The following FAM178B variants were observed in gnomAD, a reference collection of about 807,000 sequenced individuals.
FAM178B encodes the protein protein FAM178B.
FAM178B carries 82 observed loss-of-function variants against 91.7 expected under a neutral mutation model. That is an observed-to-expected ratio of 0.89 (90% CI 0.75 to 1.07). The LOEUF is 1.07. Among genes scored for constraint, FAM178B ranks in the 50% least tolerant of loss-of-function variants. The pLI is 0.00. For missense variants in FAM178B, 769 were observed against 846.7 expected, an observed-to-expected ratio of 0.91 and a Z score of 1.14; for synonymous variants, 368 against 359.4, an observed-to-expected ratio of 1.02 and a Z score of -0.27.
chr2:96,972,674 T>C (rs933680488), intron 1 of FAM178B, 68 bp from the exon 2 acceptor site: 51 of 1,446,090 alleles, frequency 3.5e-5, no homozygotes, highest in Non-Finnish European at 4.3e-5. Flanking sequence ...AACCCCGTGA[T>C]TCCCACAGAG....
chr2:96,921,722 T>G (rs2081343925), intron 10 of FAM178B, 68 bp from the exon 11 acceptor site: 1 of 1,461,022 alleles, frequency 6.8e-7, no homozygotes, highest in Non-Finnish European at 9.4e-7. Flanking sequence ...CGAGGACCAG[T>G]TCCCTGGGAG....
intron 12 of FAM178B, among the ~76,000 whole-genome samples, chr2:96,912,157 A>G (rs2081169583): frequency 6.6e-6 from 1 of 152,146 alleles, no homozygotes; most frequent in Non-Finnish European, 1.5e-5. Context: ...TGAAGGCCTC[A>G]GCTGACCCCA....
intron 12 of FAM178B, among the ~76,000 whole-genome samples, chr2:96,904,541 ATTTTTT>A (rs11284849): frequency 6.2e-5 from 6 of 96,678 alleles, no homozygotes; most frequent in East Asian, 3.0e-4. Flanking sequence ...ATGCCTGGCT[ATTTTTT>A]TTTTTTTTTT....
intron 14 of FAM178B, among the ~76,000 whole-genome samples, chr2:96,880,393 G>A (rs1289087632): frequency 2.0e-5 from 3 of 152,076 alleles, no homozygotes. Context: ...CAGAGTTGTG[G>A]GAACAGGCTG....
intron 6 of FAM178B, among the ~76,000 whole-genome samples, chr2:96,953,970 T>C (rs1476014035): frequency 6.6e-6 from 1 of 152,162 alleles, no homozygotes; most frequent in Non-Finnish European, 1.5e-5. Flanking sequence ...GTGGGAGGTG[T>C]GTGCAGTGAA....
At chr2:96,962,973 TG>T (rs1317128648) in intron 5 of FAM178B, among the ~76,000 whole-genome samples, 3 of 152,230 alleles carry the variant, frequency 2.0e-5, no homozygotes, top group Non-Finnish European at 4.4e-5. Flanking sequence ...AGCAGAAAGC[TG>T]AACAGTCCCA....
At chr2:96,899,306 T>G (rs751439163) in intron 13 of FAM178B, among the ~76,000 whole-genome samples, 1 of 152,254 alleles carries the variant, frequency 6.6e-6, no homozygotes, top group Non-Finnish European at 1.5e-5. Context: ...TTAGTCACTA[T>G]GGCCGTGGCC....
At chr2:96,924,855 C>G (rs751559651) in intron 9 of FAM178B, among the ~76,000 whole-genome samples, 15 of 152,078 alleles carry the variant, frequency 9.9e-5, no homozygotes, top group Non-Finnish European at 2.2e-4. Flanking sequence ...GGAGGAAGAG[C>G]ACTGTCCTAC....
At chr2:96,968,601 C>T (rs1166021611) in intron 4 of FAM178B, among the ~76,000 whole-genome samples, 1 of 152,114 alleles carries the variant, frequency 6.6e-6, no homozygotes, top group East Asian at 1.9e-4. Flanking sequence ...CTGAATGTGA[C>T]TGGGCCCCTC....
In FAM178B at chr2:96,898,130, T is replaced by C. The variant is rs930158150; in HGVS notation, c.1651-4079A>G. 7 of 985,088 alleles carry C rather than the reference T, an allele frequency of 7.1e-6. No individual in the cohort carries two copies. In the African/African-American group the frequency reaches 1.2e-4, roughly 17 times the overall value. 61.0% of individuals were successfully genotyped at this position (985,088 alleles called of 1,614,324 possible). A position where few individuals can be genotyped will look rare whatever the true frequency, so the allele number is the denominator to read the frequency against. ...CCTACACCAGTCAATTCTAAACCCC[T>C]GTGCCCCCTTTTACAGTGAATCGAT... On this transcript the variant is annotated intron_variant, in intron 13 of 16. Transcript: ENST00000490605.
chr2:96,974,943 T>C (rs1574322912), intron 1 of FAM178B, among the ~76,000 whole-genome samples: 1 of 151,750 alleles, frequency 6.6e-6, no homozygotes, highest in Non-Finnish European at 1.5e-5. Flanking sequence ...ATACAAAAAT[T>C]AGCTGGGCTT....
At chr2:96,903,545 C>T (rs1347722477) in intron 12 of FAM178B, among the ~76,000 whole-genome samples, 1 of 152,246 alleles carries the variant, frequency 6.6e-6, no homozygotes, top group Non-Finnish European at 1.5e-5. Context: ...GAGAGGTGGC[C>T]TCGGGCTGTG....
intron 1 of FAM178B, among the ~76,000 whole-genome samples, chr2:96,980,047 G>C (rs972634224): frequency 6.6e-6 from 1 of 152,070 alleles, no homozygotes; most frequent in Non-Finnish European, 1.5e-5. Context: ...ATTCTAGTCA[G>C]CGTGTAATGG....
At chr2:96,957,987 A>G (rs149191377) in intron 6 of FAM178B, among the ~76,000 whole-genome samples, 2 of 152,260 alleles carry the variant, frequency 1.3e-5, no homozygotes, top group Admixed American at 6.5e-5. Context: ...GCATCAATGT[A>G]ATAAAGTATT....
chr2:96,932,700 G>A (rs1232816132), intron 8 of FAM178B, among the ~76,000 whole-genome samples: 2 of 152,126 alleles, frequency 1.3e-5, no homozygotes, highest in South Asian at 2.1e-4. Flanking sequence ...CACTTTGGGA[G>A]GCCGAGGTGG....
At position 96,986,273 on chromosome 2, in the gene FAM178B, A is replaced by C. The variant is rs1247561632; in HGVS notation, c.41T>G (p.Leu14Arg). ...RLPGAGLAPQLRRQDQRLHFT... is the reference protein window; with the variant it reads ...RLPGAGLAPQRRRQDQRLHFT... Reference sequence around the variant, plus strand: ...ATGGAGCCGCTGATCCTGCCTCCTGAGTTGTGGAGCGAGGCCCGCACCTGG... The same window carrying C: ...ATGGAGCCGCTGATCCTGCCTCCTGCGTTGTGGAGCGAGGCCCGCACCTGG... The change falls in exon 1 of 17, where the codon CTC (leucine) becomes CGC (arginine). Residue 14 changes from leucine to arginine, a missense_variant. Physicochemically the swap from Leu to Arg is moderately radical, Grantham distance 102. Coordinates refer to ENST00000490605, the MANE Select transcript of FAM178B (RefSeq NM_001122646.3). 2 of 1,534,298 alleles carry C rather than the reference A, an allele frequency of 1.3e-6. No homozygotes were observed. Among genetic ancestry groups the C allele is most frequent in the South Asian group, 2.4e-5 (2 of 83,978 alleles).
At chr2:96,948,388 C>T (rs1180700422) in intron 7 of FAM178B, among the ~76,000 whole-genome samples, 1 of 152,218 alleles carries the variant, frequency 6.6e-6, no homozygotes, top group Non-Finnish European at 1.5e-5. Flanking sequence ...CTGAGACCAC[C>T]AGCTTAGACG....
intron 12 of FAM178B, among the ~76,000 whole-genome samples, chr2:96,920,465 T>G (rs898653087): frequency 5.9e-5 from 9 of 152,018 alleles, no homozygotes; most frequent in African/African-American, 2.2e-4. Flanking sequence ...CTAAGTGTGG[T>G]GGCGGGCGCC....
intron 1 of FAM178B, among the ~76,000 whole-genome samples, chr2:96,977,405 A>G (rs1403776955): frequency 1.3e-5 from 2 of 148,256 alleles, no homozygotes; most frequent in Non-Finnish European, 3.0e-5. Context: ...AAAAAAAAAG[A>G]AAAACAACAA....
Sources: allele counts gnomAD v4.1 joint callset (sites outside exome capture counted in the v4.1 genomes callset), GRCh38; gene constraint gnomAD v4.1.1; transcripts MANE v1.5; gene names NCBI Gene and HGNC (gene_info 2026-07-23, HGNC 2026-07-21).